The following THOC5 variants were observed in gnomAD, a reference collection of about 807,000 sequenced individuals.
The protein encoded by THOC5 is Fms-interacting protein.
Under a neutral mutation model 92.9 loss-of-function variants are expected in THOC5, and 43 were observed. That is an observed-to-expected ratio of 0.46 (90% CI 0.36 to 0.60). The LOEUF is 0.60. THOC5 is among the 20% of genes least tolerant of loss of function. The pLI, the probability that THOC5 is intolerant of heterozygous loss-of-function variation, is 0.00. For missense variants in THOC5, 659 were observed against 849.4 expected (o/e 0.78, Z 2.79); for synonymous variants, 296 against 320.1 (o/e 0.92, Z 0.80).
At chr22:29,525,408 C>A (rs373405383) in intron 12 of THOC5, among the ~76,000 whole-genome samples, 2 of 152,188 alleles carry the variant, frequency 1.3e-5, no homozygotes, top group Non-Finnish European at 2.9e-5. Context: ...CCTCCCACCA[C>A]CCAGATAAGG....
chr22:29,551,413 C>T (rs983795375), intron 1 of THOC5, among the ~76,000 whole-genome samples: 21 of 152,108 alleles, frequency 1.4e-4, no homozygotes, highest in Middle Eastern at 3.4e-3. Flanking sequence ...CCAGCCTGGG[C>T]AACAGAGCGA....
intron 18 of THOC5, 68 bp downstream of exon 18, chr22:29,511,953 G>C (rs2063231743): frequency 3.6e-5 from 48 of 1,336,918 alleles, no homozygotes; most frequent in Non-Finnish European, 4.9e-5. Flanking sequence ...AGCTGCAGTG[G>C]GTTCTGCCAC....
intron 13 of THOC5, 108 bp downstream of exon 13, chr22:29,520,890 C>T (rs1344956533): frequency 6.3e-6 from 5 of 796,522 alleles, no homozygotes; most frequent in African/African-American, 1.7e-5. Context: ...TGTGGTCTTT[C>T]CTATCCTCTG....
intron 6 of THOC5, among the ~76,000 whole-genome samples, chr22:29,537,875 G>A (rs1306593435): frequency 6.6e-6 from 1 of 152,086 alleles, no homozygotes; most frequent in African/African-American, 2.4e-5. Flanking sequence ...TGGGCGACAA[G>A]AGTGAAACTC....
rs568387303 is a variant in THOC5, at chr22:29,511,806, G to A, written c.1797+215C>T. Among the ~76,000 whole-genome samples, 27 of 150,310 alleles carry A rather than the reference G, an allele frequency of 1.8e-4. No homozygotes were observed. The South Asian group carries it at 5.4e-3, about 30-fold the overall frequency. On this transcript the variant is annotated intron_variant, in intron 18 of 19. Coordinates refer to ENST00000490103, the MANE Select transcript of THOC5 (RefSeq NM_003678.5). ...GTAGGTATTTCTCCTTACTCTCTAAGTGGGGAAACCTGTGGACCCCAAGGT... is the reference window on the plus strand; with the variant it reads ...GTAGGTATTTCTCCTTACTCTCTAAATGGGGAAACCTGTGGACCCCAAGGT...
intron 11 of THOC5, among the ~76,000 whole-genome samples, chr22:29,527,817 T>C (rs1271902293): frequency 6.6e-6 from 1 of 152,238 alleles, no homozygotes. Context: ...TTCTAGATAT[T>C]TGACTTGCTA....
At chr22:29,552,396 C>T (rs1482657688) in intron 1 of THOC5, among the ~76,000 whole-genome samples, 2 of 151,284 alleles carry the variant, frequency 1.3e-5, no homozygotes, top group Admixed American at 6.6e-5. Flanking sequence ...TCTGCCCCGC[C>T]GCCCCGTCTG....
intron 7 of THOC5, chr22:29,536,395 G>C: frequency 2.0e-6 from 1 of 491,946 alleles, no homozygotes; most frequent in South Asian, 3.6e-5. Context: ...CCCAGAGAAG[G>C]CCTCTGGATG....
chr22:29,516,547 A>G (rs757155063), intron 17 of THOC5, among the ~76,000 whole-genome samples: 7 of 152,268 alleles, frequency 4.6e-5, no homozygotes, highest in Non-Finnish European at 8.8e-5. Flanking sequence ...GAGCCCTGGC[A>G]GAGTCAGATG....
intron 6 of THOC5, 142 bp downstream of exon 6, chr22:29,539,188 T>C: frequency 2.7e-6 from 2 of 740,858 alleles, no homozygotes; most frequent in Admixed American, 2.9e-5. Flanking sequence ...AAGTTTAAAC[T>C]ATCCAGTGTG....
At chr22:29,531,786 T>A in intron 8 of THOC5, 45 bp downstream of exon 8, 1 of 1,590,300 alleles carries the variant, frequency 6.3e-7, no homozygotes, top group Non-Finnish European at 8.6e-7. Flanking sequence ...CGGCCACAGC[T>A]GCTGCTCCCA....
At chr22:29,526,560 T>C (rs1396357285) in intron 11 of THOC5, among the ~76,000 whole-genome samples, 1 of 151,408 alleles carries the variant, frequency 6.6e-6, no homozygotes, top group East Asian at 1.9e-4. Context: ...AACAGTAATA[T>C]AATGAACAAA....
intron 4 of THOC5, 57 bp downstream of exon 4, chr22:29,543,372 A>AAAAAAAC: frequency 9.6e-7 from 1 of 1,046,930 alleles, no homozygotes; most frequent in African/African-American, 1.6e-5. Flanking sequence ...AAAAAAAAAA[A>AAAAAAAC]GAAGGGGATG....
chr22:29,506,808 T>A lies in THOC5; in HGVS notation c.*1649A>T, dbSNP rs1429400942. On this transcript the variant is annotated 3_prime_UTR_variant, in exon 20 of 20. Coordinates refer to ENST00000490103, the MANE Select transcript of THOC5 (RefSeq NM_003678.5). ...AGACTTAGAATTACTCTCTGTGAAG[T>A]ACAGTTGATCTCTGAACAATAGTTT... The A allele has an allele frequency of 6.6e-6, 1 of 152,260 alleles. No homozygotes were observed. 9.4% of individuals were successfully genotyped at this position (152,260 alleles called of 1,614,324 possible). A position where few individuals can be genotyped will look rare whatever the true frequency, so the allele number is the denominator to read the frequency against.
intron 5 of THOC5, among the ~76,000 whole-genome samples, chr22:29,541,745 C>T (rs2063888934): frequency 6.7e-6 from 1 of 148,676 alleles, no homozygotes. Context: ...CCTGTAGTCC[C>T]AGCTACTCGG....
intron 9 of THOC5, 122 bp downstream of exon 9, chr22:29,529,040 T>G: frequency 1.0e-6 from 1 of 970,742 alleles, no homozygotes; most frequent in East Asian, 2.4e-5. Flanking sequence ...TCCAGGGTGC[T>G]AAGACATTCA....
chr22:29,510,297 C>T (rs1354427170), intron 19 of THOC5, among the ~76,000 whole-genome samples: 1 of 152,174 alleles, frequency 6.6e-6, no homozygotes, highest in Non-Finnish European at 1.5e-5. Flanking sequence ...TTCACCATTT[C>T]TGTCTTTAGA....
rs2063352485 is a variant in THOC5 at position 29,517,311 on chromosome 22, A to C, written c.1545T>G (p.Val515=). 3.7e-6 allele frequency: 6 copies of C among 1,614,114 alleles called. No individual in the cohort carries two copies. Among genetic ancestry groups the C allele is most frequent in the Non-Finnish European group, 5.1e-6 (6 of 1,180,034 alleles). The stretch of plus-strand genomic sequence containing the variant: ...TCACCCATTTCACCAGGCGAGAGAC[A>C]ACCTTGGCAGGGAAGAGGTACTGGC... ...SDCQYLFPAK[V]VSRLVKWVTV... The change falls in exon 16 of 20, where the codon GTT becomes GTG. Residue 515 remains valine (V), a synonymous_variant. Coordinates refer to ENST00000490103, the MANE Select transcript of THOC5 (RefSeq NM_003678.5).
At chr22:29,526,382 A>G (rs1377096627) in intron 11 of THOC5, among the ~76,000 whole-genome samples, 3 of 151,882 alleles carry the variant, frequency 2.0e-5, no homozygotes, top group Non-Finnish European at 2.9e-5. Flanking sequence ...AATACAAAAA[A>G]TCAGTCGGGC....
Sources: allele counts gnomAD v4.1 joint callset (sites outside exome capture counted in the v4.1 genomes callset), GRCh38; gene constraint gnomAD v4.1.1; transcripts MANE v1.5; gene names NCBI Gene and HGNC (gene_info 2026-07-23, HGNC 2026-07-21).